The following ZZZ3 variants were observed in gnomAD, a reference collection of about 807,000 sequenced individuals.
ZZZ3 encodes the protein zinc finger ZZ-type containing 3.
Under a neutral mutation model 95.2 loss-of-function variants are expected in ZZZ3, and 22 were observed. The ratio of observed to expected loss-of-function variants is 0.23; its 90% CI spans 0.17 to 0.33. The LOEUF is 0.33. ZZZ3 is among the 10% of genes least tolerant of loss of function. The pLI, the probability that ZZZ3 is intolerant of heterozygous loss-of-function variation, is 1.00. For synonymous variants in ZZZ3, 335 were observed against 358.9 expected (o/e 0.93, Z 0.75); for missense variants, 885 against 1,066.5 (o/e 0.83, Z 2.37).
intron 14 of ZZZ3, 134 bp downstream of exon 14, chr1:77,565,947 T>C (rs953995992): frequency 1.8e-6 from 2 of 1,103,098 alleles, no homozygotes; most frequent in South Asian, 3.4e-5. Flanking sequence ...AAAAAATTAA[T>C]TGCCTAGAAC....
At chr1:77,577,811 G>C (rs562514289) in intron 11 of ZZZ3, among the ~76,000 whole-genome samples, 1 of 152,302 alleles carries the variant, frequency 6.6e-6, no homozygotes, top group South Asian at 2.1e-4. Context: ...AGTAGAGACG[G>C]GGTTTCACCA....
intron 5 of ZZZ3, among the ~76,000 whole-genome samples, chr1:77,595,623 A>G (rs903020196): frequency 1.3e-5 from 2 of 152,026 alleles, no homozygotes; most frequent in African/African-American, 4.8e-5. Context: ...TTCACAAATT[A>G]TTGTAAAGTG....
At chr1:77,660,458 T>C (rs1670682570) in intron 1 of ZZZ3, among the ~76,000 whole-genome samples, 1 of 152,212 alleles carries the variant, frequency 6.6e-6, no homozygotes, top group Non-Finnish European at 1.5e-5. Context: ...AAATACCTCA[T>C]ATATGTGGAA....
chr1:77,650,488 A>T (rs1231079654), intron 1 of ZZZ3, among the ~76,000 whole-genome samples: 1 of 152,160 alleles, frequency 6.6e-6, no homozygotes, highest in Non-Finnish European at 1.5e-5. Context: ...ACCTGGAAAT[A>T]AATAACATGC....
At chr1:77,661,898 C>T (rs898539505) in intron 1 of ZZZ3, among the ~76,000 whole-genome samples, 2 of 151,824 alleles carry the variant, frequency 1.3e-5, no homozygotes, top group African/African-American at 4.8e-5. Context: ...CTCACTGCAA[C>T]CTTGAACTCT....
intron 1 of ZZZ3, among the ~76,000 whole-genome samples, chr1:77,647,516 C>A (rs894832666): frequency 6.8e-6 from 1 of 147,150 alleles, no homozygotes; most frequent in African/African-American, 2.5e-5. Context: ...GAGACTCTGT[C>A]TCAGGAAGGA....
chr1:77,647,423 G>A (rs1057322478), intron 1 of ZZZ3, among the ~76,000 whole-genome samples: 1 of 151,974 alleles, frequency 6.6e-6, no homozygotes, highest in Non-Finnish European at 1.5e-5. Flanking sequence ...GGAGGCTGAG[G>A]CATGAGAATC....
Position 77,582,104 on chromosome 1 carries a change from G to A in ZZZ3, c.1667C>T (p.Pro556Leu), listed in dbSNP as rs1570422449. ...QKKADIGLPY[P>L]QRVVQLPEIV... ...CTCAGGCAATTGAACAACTCTCTGT[G>A]GATATGGAAGCCCAATATCAGCCTG... The change falls in exon 7 of 15, where the codon CCA becomes CTA. Residue 556 changes from proline to leucine, a missense_variant. Physicochemically the swap from Pro to Leu is moderately conservative, Grantham distance 98. This residue lies in a region of ZZZ3 where 556 missense variants were observed against 652.9 expected (regional missense o/e 0.85). Transcript: ENST00000370801. 1 of 1,608,492 alleles carries A rather than the reference G, an allele frequency of 6.2e-7. No homozygotes were observed. Among genetic ancestry groups the A allele is most frequent in the Non-Finnish European group, 8.5e-7 (1 of 1,178,050 alleles).
chr1:77,598,452 T>A (rs1005020451), intron 5 of ZZZ3, among the ~76,000 whole-genome samples: 3 of 152,110 alleles, frequency 2.0e-5, no homozygotes, highest in Non-Finnish European at 2.9e-5. Flanking sequence ...TAAGTGGACC[T>A]GCGCAGTTTG....
intron 5 of ZZZ3, among the ~76,000 whole-genome samples, chr1:77,610,722 A>G (rs920030780): frequency 1.4e-4 from 22 of 152,000 alleles, no homozygotes; most frequent in Non-Finnish European, 2.8e-4. Flanking sequence ...GATCATTTCA[A>G]TTGGTGCAGA....
chr1:77,622,783 G>A (rs1479347610), intron 5 of ZZZ3, among the ~76,000 whole-genome samples: 1 of 152,040 alleles, frequency 6.6e-6, no homozygotes, highest in African/African-American at 2.4e-5. Context: ...AAACAAGTAG[G>A]TAGAAGTTAC....
intron 1 of ZZZ3, among the ~76,000 whole-genome samples, chr1:77,654,105 G>A (rs747556696): frequency 2.7e-4 from 40 of 149,346 alleles, no homozygotes; most frequent in Non-Finnish European, 5.9e-5. Flanking sequence ...GGGGAATGGC[G>A]TGAACCCAGG....
chr1:77,622,489 C>G (rs556518895), intron 5 of ZZZ3, among the ~76,000 whole-genome samples: 1 of 150,452 alleles, frequency 6.6e-6, no homozygotes, highest in Admixed American at 6.6e-5. Flanking sequence ...AAAAAGAAAA[C>G]CATCTACTAG....
At chr1:77,659,075 G>A (rs185884831) in intron 1 of ZZZ3, among the ~76,000 whole-genome samples, 24 of 151,900 alleles carry the variant, frequency 1.6e-4, no homozygotes, top group Admixed American at 9.2e-4. Flanking sequence ...AAAATTAGCC[G>A]GGCGTAGTGG....
chr1:77,589,903 G>C (rs964894183), intron 5 of ZZZ3, among the ~76,000 whole-genome samples: 8 of 152,054 alleles, frequency 5.3e-5, no homozygotes, highest in African/African-American at 1.9e-4. Context: ...AACTGCATCA[G>C]AATCTTTTTA....
intron 1 of ZZZ3, among the ~76,000 whole-genome samples, chr1:77,642,587 C>A (rs201265592): frequency 4.0e-4 from 57 of 142,646 alleles, no homozygotes; most frequent in Non-Finnish European, 4.5e-4. Context: ...CTAAACAAAA[C>A]AAAAAAAAAA....
chr1:77,677,772 C>T (rs1270125731), intron 1 of ZZZ3, among the ~76,000 whole-genome samples: 2 of 151,900 alleles, frequency 1.3e-5, no homozygotes, highest in African/African-American at 2.4e-5. Context: ...GAAAGTGGTA[C>T]CTAACAGTAG....
intron 5 of ZZZ3, among the ~76,000 whole-genome samples, chr1:77,630,960 T>A (rs1484430789): frequency 8.5e-5 from 13 of 152,218 alleles, no homozygotes. Context: ...GCCTACCCTG[T>A]AGCAATAAAG....
chr1:77,576,715 T>C (rs181570617), intron 11 of ZZZ3, among the ~76,000 whole-genome samples: 16 of 151,972 alleles, frequency 1.1e-4, no homozygotes, highest in African/African-American at 2.9e-4. Flanking sequence ...CCGGGCTACA[T>C]TGGAAGAATT....
Sources: gnomAD v4.1 joint callset for allele counts (sites outside exome capture counted in the v4.1 genomes callset) on GRCh38, gnomAD v4.1.1 for gene constraint, gnomAD v4.1.1 regional missense constraint, MANE v1.5 for transcripts, NCBI Gene and HGNC (gene_info 2026-07-23, HGNC 2026-07-21) for gene names.